TNN: variants seen among roughly 807,000 people sequenced by gnomAD.
The protein encoded by TNN is tenascin-N.
A neutral mutation model predicts 134.4 loss-of-function variants in TNN; 122 were observed. The observed-to-expected ratio is 0.91, with a 90% CI of 0.78 to 1.06. The LOEUF is 1.06. Among genes scored for constraint, TNN ranks in the 50% least tolerant of loss-of-function variants. The pLI, the probability that TNN is intolerant of heterozygous loss-of-function variation, is 0.00. For missense variants in TNN, 1,739 were observed against 1,699.4 expected, an observed-to-expected ratio of 1.02 and a Z score of -0.41; for synonymous variants, 710 against 670.3, an observed-to-expected ratio of 1.06 and a Z score of -0.91.
intron 11 of TNN, among the ~76,000 whole-genome samples, chr1:175,121,978 G>A (rs190484679): frequency 1.3e-5 from 2 of 152,326 alleles, no homozygotes; most frequent in Admixed American, 1.3e-4. Context: ...AGATGCAGTT[G>A]TATAAACTAG....
chr1:175,125,939 G>A (rs1439306852), intron 12 of TNN, among the ~76,000 whole-genome samples: 10 of 94,544 alleles, frequency 1.1e-4, no homozygotes, highest in Non-Finnish European at 1.9e-4. Context: ...TCTTTCTCTC[G>A]CTTCTCTCCC....
intron 1 of TNN, among the ~76,000 whole-genome samples, chr1:175,074,093 C>A (rs1673981369): frequency 6.6e-6 from 1 of 152,122 alleles, no homozygotes; most frequent in Non-Finnish European, 1.5e-5. Context: ...TCCTCCGGGC[C>A]AGAATCAGGC....
At chr1:175,091,794 T>G (rs546244260) in intron 6 of TNN, among the ~76,000 whole-genome samples, 9 of 152,286 alleles carry the variant, frequency 5.9e-5, no homozygotes, top group African/African-American at 2.2e-4. Context: ...TTTGCCATGT[T>G]GGCCAGGCTA....
intron 14 of TNN, 78 bp downstream of exon 14, chr1:175,128,242 G>A: frequency 7.6e-7 from 1 of 1,311,916 alleles, no homozygotes; most frequent in South Asian, 1.4e-5. Context: ...AGTCCAGGGA[G>A]GAGCAAGTGG....
At chr1:175,083,037 A>G (rs973954566) in intron 4 of TNN, among the ~76,000 whole-genome samples, 1 of 151,410 alleles carries the variant, frequency 6.6e-6, no homozygotes. Context: ...ATACTTTACT[A>G]TGAATAAATG....
intron 9 of TNN, among the ~76,000 whole-genome samples, chr1:175,100,648 G>A (rs1290537282): frequency 1.3e-5 from 2 of 152,078 alleles, no homozygotes; most frequent in African/African-American, 4.8e-5. Flanking sequence ...ATGAGCAAGT[G>A]ACTTTGGGAA....
At chr1:175,140,895 T>C (rs1441750505) in intron 17 of TNN, among the ~76,000 whole-genome samples, 2 of 152,210 alleles carry the variant, frequency 1.3e-5, no homozygotes, top group Non-Finnish European at 2.9e-5. Flanking sequence ...GCTACTCATG[T>C]CTTGAATGCT....
In TNN at chr1:175,085,446, A is replaced by G. The variant is rs758464012; in HGVS notation, c.1276A>G (p.Met426Val). 3.1e-6 allele frequency: 5 copies of G among 1,613,176 alleles called. No individual in the cohort carries two copies. In the South Asian group the frequency reaches 4.4e-5, roughly 14 times the overall value. Reference sequence around the variant, plus strand: ...TGAGTATAAGATCACGGTGGTGCCCATGAGAGGAGAGCTGGAGGGCAAGCC... The same window carrying G: ...TGAGTATAAGATCACGGTGGTGCCCGTGAGAGGAGAGCTGGAGGGCAAGCC... ...GTEYKITVVP[M>V]RGELEGKPIL... Residue 426 changes from methionine (M) to valine (V), a missense_variant, in exon 6 of 19, where the codon ATG becomes GTG. Coordinates refer to ENST00000239462, the MANE Select transcript of TNN (RefSeq NM_022093.2).
chr1:175,136,024 C>T lies in TNN; in HGVS notation c.3427+83C>T, dbSNP rs555956108. 4.2e-4 allele frequency: 406 copies of T among 975,396 alleles called. 1 individual carries two copies. Among genetic ancestry groups the T allele is most frequent in the Non-Finnish European group, 6.4e-4 (390 of 607,918 alleles). The allele number at this position is 975,396 out of a possible 1,614,324, so 60.4% of individuals were successfully genotyped here. ...GCTAGCTAGGAGGCTTAGGGAAGCT[C>T]ACCACCTTCACAGAGAGGCCCCAGT... On this transcript the variant is annotated intron_variant, in intron 16 of 18. Transcript: ENST00000239462.
intron 9 of TNN, among the ~76,000 whole-genome samples, chr1:175,113,926 A>G (rs906833120): frequency 1.3e-5 from 2 of 152,052 alleles, no homozygotes; most frequent in Non-Finnish European, 2.9e-5. Context: ...CTATCTCTTC[A>G]CTGAATTTCT....
At chr1:175,104,064 G>T (rs1174062680) in intron 9 of TNN, among the ~76,000 whole-genome samples, 2 of 145,840 alleles carry the variant, frequency 1.4e-5, no homozygotes, top group African/African-American at 2.5e-5. Flanking sequence ...CCTAATAAGG[G>T]TGTGGGACTT....
At chr1:175,145,552 CAAAAA>C (rs3028580) in intron 18 of TNN, among the ~76,000 whole-genome samples, 7 of 28,908 alleles carry the variant, frequency 2.4e-4, no homozygotes, top group African/African-American at 8.7e-4. Context: ...GACCCTGTCT[CAAAAA>C]AAAAAAAAAA....
intron 9 of TNN, among the ~76,000 whole-genome samples, chr1:175,108,808 A>C (rs1674935332): frequency 6.8e-6 from 1 of 146,208 alleles, no homozygotes; most frequent in African/African-American, 2.6e-5. Flanking sequence ...CGCAAGCACC[A>C]TGTGCAGCCC....
intron 17 of TNN, 46 bp from the exon 18 acceptor site, chr1:175,144,341 C>A: frequency 6.3e-7 from 1 of 1,582,366 alleles, no homozygotes; most frequent in South Asian, 1.1e-5. Context: ...ATCATCTCCT[C>A]GGTGGCTAAC....
chr1:175,107,629 G>A (rs1277080338), intron 9 of TNN, among the ~76,000 whole-genome samples: 2 of 143,578 alleles, frequency 1.4e-5, no homozygotes, highest in Non-Finnish European at 3.1e-5. Context: ...TCCACAGTGT[G>A]GAAGGGGACC....
At chr1:175,119,512 G>A (rs1012138378) in intron 11 of TNN, among the ~76,000 whole-genome samples, 1 of 152,160 alleles carries the variant, frequency 6.6e-6, no homozygotes. Context: ...TGGGAATGCA[G>A]CCCAGTAGGT....
At chr1:175,119,111 A>G (rs1675273775) in intron 11 of TNN, among the ~76,000 whole-genome samples, 1 of 152,270 alleles carries the variant, frequency 6.6e-6, no homozygotes, top group South Asian at 2.1e-4. Flanking sequence ...GGGTGAGCCC[A>G]TAGAGTAAAG....
intron 1 of TNN, among the ~76,000 whole-genome samples, chr1:175,070,350 C>T (rs964439956): frequency 2.0e-4 from 30 of 152,158 alleles, no homozygotes; most frequent in South Asian, 1.2e-3. Flanking sequence ...GTGGTCACCC[C>T]TGAAAAAGTG....
chr1:175,118,512 A>G (rs1456223211), intron 10 of TNN, 49 bp from the exon 11 acceptor site: 2 of 1,601,754 alleles, frequency 1.2e-6, no homozygotes, highest in African/African-American at 1.4e-5. Context: ...CAGTTTCTGC[A>G]CTCTGGCACC....
Sources: allele counts gnomAD v4.1 joint callset (sites outside exome capture counted in the v4.1 genomes callset), GRCh38; gene constraint gnomAD v4.1.1; transcripts MANE v1.5; gene names NCBI Gene and HGNC (gene_info 2026-07-23, HGNC 2026-07-21).